The following PDE4D variants were observed in gnomAD, a reference collection of about 807,000 sequenced individuals.
PDE4D encodes phosphodiesterase 4D.
A neutral mutation model predicts 87.4 loss-of-function variants in PDE4D; 24 were observed. The ratio of observed to expected loss-of-function variants is 0.27; its 90% confidence interval spans 0.20 to 0.39. The LOEUF (loss-of-function observed/expected upper bound fraction) is 0.39, where lower values mean the gene tolerates loss of function less well. Ranked by LOEUF, PDE4D falls within the 10% of genes least tolerant of loss-of-function variation. The pLI, the probability that PDE4D is intolerant of heterozygous loss-of-function variation, is 1.00. For synonymous variants in PDE4D, 384 were observed against 383.2 expected (o/e 1.00, Z -0.02); for missense variants, 714 against 1,041.0 (o/e 0.69, Z 4.32).
intron 5 of PDE4D, among the ~76,000 whole-genome samples, chr5:59,172,262 A>T (rs1561624756): frequency 8.1e-6 from 1 of 122,868 alleles, no homozygotes; most frequent in Non-Finnish European, 1.6e-5. Flanking sequence ...ATAAATATAT[A>T]TTTATACAAT....
chr5:59,033,106 TAATA>T (rs888491272), intron 6 of PDE4D, among the ~76,000 whole-genome samples: 24 of 152,234 alleles, frequency 1.6e-4, no homozygotes, highest in African/African-American at 5.8e-4. Context: ...TAAATAATAA[TAATA>T]AATACTTTAT....
At chr5:60,348,597 T>G (rs1311765807) in intron 1 of PDE4D, among the ~76,000 whole-genome samples, 2 of 152,144 alleles carry the variant, frequency 1.3e-5, no homozygotes, top group African/African-American at 4.8e-5. Context: ...AGTTGAAAAT[T>G]CTTATGAAAT....
At chr5:59,648,043 G>A (rs1379767618) in intron 1 of PDE4D, among the ~76,000 whole-genome samples, 1 of 152,070 alleles carries the variant, frequency 6.6e-6, no homozygotes, top group Admixed American at 6.6e-5. Context: ...TTCCATAAGA[G>A]CTCTGCTACA....
At chr5:60,480,082 C>T (rs1327455188) in intron 1 of PDE4D, among the ~76,000 whole-genome samples, 1 of 152,182 alleles carries the variant, frequency 6.6e-6, no homozygotes, top group Non-Finnish European at 1.5e-5. Context: ...GGCAAACACT[C>T]TTCCTAAATC....
chr5:59,024,359 C>G (rs1755823779), intron 6 of PDE4D, among the ~76,000 whole-genome samples: 4 of 151,968 alleles, frequency 2.6e-5, no homozygotes, highest in Admixed American at 2.6e-4. Context: ...ACCATCACAC[C>G]TGGCTAATTT....
At chr5:60,503,241 A>G (rs1379790155) in intron 1 of PDE4D, among the ~76,000 whole-genome samples, 1 of 152,134 alleles carries the variant, frequency 6.6e-6, no homozygotes. Flanking sequence ...AAGACAAAAC[A>G]TAAACAGGGC....
intron 1 of PDE4D, among the ~76,000 whole-genome samples, chr5:59,351,877 A>G (rs1202651960): frequency 6.6e-6 from 1 of 152,154 alleles, no homozygotes; most frequent in Non-Finnish European, 1.5e-5. Flanking sequence ...AAGTAGAGGA[A>G]GATAGTACAT....
At chr5:59,920,208 C>T (rs1754517972) in intron 3 of PDE4D, among the ~76,000 whole-genome samples, 1 of 152,132 alleles carries the variant, frequency 6.6e-6, no homozygotes, top group Admixed American at 6.6e-5. Context: ...AATGTCCTAT[C>T]CCAGTTCACA....
intron 2 of PDE4D, among the ~76,000 whole-genome samples, chr5:60,067,690 C>T (rs993016572): frequency 3.3e-5 from 5 of 151,994 alleles, no homozygotes; most frequent in African/African-American, 7.2e-5. Context: ...AAACTTTACG[C>T]CCATTGTTTA....
intron 1 of PDE4D, among the ~76,000 whole-genome samples, chr5:59,683,434 A>C (rs1225368973): frequency 6.6e-6 from 1 of 152,232 alleles, no homozygotes; most frequent in Non-Finnish European, 1.5e-5. Flanking sequence ...ATAGATATTT[A>C]AAGTTAGAAT....
chr5:60,344,761 T>C (rs1269049187), intron 1 of PDE4D, among the ~76,000 whole-genome samples: 1 of 152,180 alleles, frequency 6.6e-6, no homozygotes, highest in Non-Finnish European at 1.5e-5. Context: ...AAAGATTTTT[T>C]AGAAAAACAC....
intron 5 of PDE4D, among the ~76,000 whole-genome samples, chr5:59,066,437 G>T (rs2153414915): frequency 6.6e-6 from 1 of 152,240 alleles, no homozygotes; most frequent in East Asian, 1.9e-4. Context: ...CAGCAAAGGT[G>T]CAACTTCATG....
chr5:60,320,385 C>A lies in PDE4D; in HGVS notation c.-89-134698G>T, dbSNP rs146018114. Among the ~76,000 whole-genome samples the A allele has an allele frequency of 0.012, 1,836 of 152,320 alleles. 60 individuals are homozygous for A. In the East Asian group the frequency reaches 0.13, roughly 11 times the overall value. ...ATTTTCCGGATGCCGTCTGTCACCC[C>A]TTTCTTTGACTAGGAAAGGGAATTC... On this transcript the variant is annotated intron_variant, in intron 1 of 16. Transcript: ENST00000502484.
At chr5:60,272,007 G>C (rs1750863194) in intron 1 of PDE4D, among the ~76,000 whole-genome samples, 1 of 152,172 alleles carries the variant, frequency 6.6e-6, no homozygotes, top group South Asian at 2.1e-4. Flanking sequence ...TAAGGAAAGG[G>C]ACAGAAACAA....
chr5:59,259,412 A>G (rs541418003), intron 1 of PDE4D, among the ~76,000 whole-genome samples: 2 of 152,014 alleles, frequency 1.3e-5, no homozygotes, highest in South Asian at 4.1e-4. Flanking sequence ...GCTCAGCTCT[A>G]TGTTTTCCTA....
At chr5:60,301,265 T>G (rs1453772980) in intron 1 of PDE4D, among the ~76,000 whole-genome samples, 1 of 152,228 alleles carries the variant, frequency 6.6e-6, no homozygotes, top group African/African-American at 2.4e-5. Flanking sequence ...TCAATGGTAA[T>G]TTAATGGGAA....
chr5:60,477,675 T>A (rs1748432687), intron 1 of PDE4D, among the ~76,000 whole-genome samples: 1 of 152,182 alleles, frequency 6.6e-6, no homozygotes, highest in Non-Finnish European at 1.5e-5. Flanking sequence ...CTTTGGCCAG[T>A]GGGGTGTTAG....
intron 1 of PDE4D, among the ~76,000 whole-genome samples, chr5:59,614,710 T>C (rs1049611896): frequency 2.6e-5 from 4 of 152,312 alleles, no homozygotes; most frequent in East Asian, 1.9e-4. Flanking sequence ...TTTCCTTTAA[T>C]GGATGAAAAG....
Position 60,061,432 on chromosome 5 carries a change from G to A in PDE4D, c.43-72715C>T, listed in dbSNP as rs543616342. 4.5e-4 allele frequency among the ~76,000 whole-genome samples: 68 copies of A among 152,096 alleles called. No individual in the cohort carries two copies. In the South Asian group the frequency reaches 0.013, roughly 30 times the overall value. On this transcript the variant is annotated intron_variant, in intron 2 of 16. Coordinates refer to the PDE4D transcript ENST00000502484. ...AACCACTGCTCAAGGAAATAAGAGAGGACACAAACAAATGGAAAAACATCC... is the reference window on the plus strand; with the variant it reads ...AACCACTGCTCAAGGAAATAAGAGAAGACACAAACAAATGGAAAAACATCC...
Sources: allele counts gnomAD v4.1 joint callset (sites outside exome capture counted in the v4.1 genomes callset), GRCh38; gene constraint gnomAD v4.1.1; transcripts MANE v1.5; gene names NCBI Gene and HGNC (gene_info 2026-07-23, HGNC 2026-07-21).